The following LDLRAD3 variants were observed in gnomAD, a reference collection of about 807,000 sequenced individuals.
The protein encoded by LDLRAD3 is low-density lipoprotein receptor class A domain-containing protein 3.
Under a neutral mutation model 29.4 loss-of-function variants are expected in LDLRAD3, and 20 were observed. The observed-to-expected ratio is 0.68, with a 90% CI of 0.48 to 0.99. LDLRAD3 has a LOEUF of 0.99. Among genes scored for constraint, LDLRAD3 ranks in the 50% least tolerant of loss-of-function variants. The pLI is 0.00. For missense variants in LDLRAD3, 420 were observed against 454.3 expected (o/e 0.92, Z 0.69); for synonymous variants, 157 against 192.7 (o/e 0.81, Z 1.53).
chr11:36,032,547 A>G (rs761881065), intron 1 of LDLRAD3, among the ~76,000 whole-genome samples: 3 of 152,178 alleles, frequency 2.0e-5, no homozygotes, highest in Non-Finnish European at 2.9e-5. Context: ...CCTCAGCACT[A>G]TTGACATTTT....
chr11:36,047,334 G>T (rs1028436856), intron 2 of LDLRAD3, among the ~76,000 whole-genome samples: 2 of 152,140 alleles, frequency 1.3e-5, no homozygotes, highest in African/African-American at 4.8e-5. Flanking sequence ...CATCTTTCAT[G>T]CATTTCACCG....
intron 4 of LDLRAD3, among the ~76,000 whole-genome samples, chr11:36,114,454 G>A (rs1364470514): frequency 6.6e-6 from 1 of 152,176 alleles, no homozygotes; most frequent in Non-Finnish European, 1.5e-5. Context: ...TAAGCCCATT[G>A]TGACCCTTGG....
intron 3 of LDLRAD3, among the ~76,000 whole-genome samples, chr11:36,095,146 A>G (rs948505355): frequency 6.6e-6 from 1 of 152,222 alleles, no homozygotes; most frequent in African/African-American, 2.4e-5. Flanking sequence ...TGATTACACC[A>G]CTGCACTGCA....
At chr11:35,985,441 T>C (rs1480885663) in intron 1 of LDLRAD3, among the ~76,000 whole-genome samples, 1 of 152,158 alleles carries the variant, frequency 6.6e-6, no homozygotes, top group Non-Finnish European at 1.5e-5. Context: ...CTCTGGCCAT[T>C]GGGATGGTAG....
intron 4 of LDLRAD3, among the ~76,000 whole-genome samples, chr11:36,160,109 A>G (rs776599055): frequency 5.9e-5 from 9 of 152,182 alleles, no homozygotes; most frequent in Non-Finnish European, 1.0e-4. Context: ...AAAGAAAAGC[A>G]TCTCCCTTCC....
chr11:36,129,773 C>T (rs1853897887), intron 4 of LDLRAD3, among the ~76,000 whole-genome samples: 1 of 152,172 alleles, frequency 6.6e-6, no homozygotes, highest in South Asian at 2.1e-4. Flanking sequence ...CCAACACTCT[C>T]CCCAATCCAC....
chr11:36,032,279 C>T (rs969518947), intron 1 of LDLRAD3, among the ~76,000 whole-genome samples: 2 of 152,190 alleles, frequency 1.3e-5, no homozygotes, highest in Admixed American at 1.3e-4. Context: ...GGTCAGCAAA[C>T]AGCACATCTG....
At chr11:36,179,341 G>A (rs953736097) in intron 4 of LDLRAD3, among the ~76,000 whole-genome samples, 1 of 152,158 alleles carries the variant, frequency 6.6e-6, no homozygotes, top group Non-Finnish European at 1.5e-5. Context: ...GGGAGTGGTA[G>A]CAGGTGCCTG....
At chr11:35,995,342 A>T (rs956561551) in intron 1 of LDLRAD3, among the ~76,000 whole-genome samples, 1 of 152,214 alleles carries the variant, frequency 6.6e-6, no homozygotes, top group African/African-American at 2.4e-5. Context: ...CTGAGCAGTA[A>T]TATTTTGAAA....
At chr11:36,116,971 A>G (rs1853684758) in intron 4 of LDLRAD3, among the ~76,000 whole-genome samples, 1 of 151,500 alleles carries the variant, frequency 6.6e-6, no homozygotes, top group Non-Finnish European at 1.5e-5. Flanking sequence ...CCTCCTGAGT[A>G]GCTGGGACTA....
At chr11:36,118,664 GT>G (rs1853709413) in intron 4 of LDLRAD3, among the ~76,000 whole-genome samples, 1 of 151,916 alleles carries the variant, frequency 6.6e-6, no homozygotes, top group Non-Finnish European at 1.5e-5. Flanking sequence ...TTGTTTTAGG[GT>G]TTTTTTAACA....
At chr11:36,163,971 A>G (rs1412594447) in intron 4 of LDLRAD3, among the ~76,000 whole-genome samples, 12 of 152,108 alleles carry the variant, frequency 7.9e-5, no homozygotes, top group Non-Finnish European at 1.5e-4. Flanking sequence ...GCTTTGATCT[A>G]TGTCCTGCCT....
chr11:36,174,937 G>A (rs1332250109), intron 4 of LDLRAD3, among the ~76,000 whole-genome samples: 4 of 152,038 alleles, frequency 2.6e-5, no homozygotes, highest in African/African-American at 7.2e-5. Context: ...AGCTGAGATC[G>A]TGCTACTCCA....
chr11:36,034,391 G>A (rs1441639831), intron 1 of LDLRAD3, among the ~76,000 whole-genome samples: 4 of 152,176 alleles, frequency 2.6e-5, no homozygotes, highest in African/African-American at 7.2e-5. Context: ...ATGGAGAGTC[G>A]GGGACTGGCC....
intron 2 of LDLRAD3, among the ~76,000 whole-genome samples, chr11:36,058,081 TAAC>T (rs1019146551): frequency 9.2e-5 from 14 of 152,182 alleles, no homozygotes; most frequent in African/African-American, 2.7e-4. Context: ...GTAGGAATAA[TAAC>T]AACAACCCTC....
intron 4 of LDLRAD3, among the ~76,000 whole-genome samples, chr11:36,103,757 G>A (rs143328725): frequency 3.0e-3 from 464 of 152,286 alleles, no homozygotes; most frequent in African/African-American, 0.011. Context: ...GCCGTTTGAA[G>A]TTTGCATTTT....
intron 2 of LDLRAD3, among the ~76,000 whole-genome samples, chr11:36,053,803 C>T (rs1852564579): frequency 6.6e-6 from 1 of 152,190 alleles, no homozygotes; most frequent in African/African-American, 2.4e-5. Flanking sequence ...GGGCCTTTCA[C>T]AGTTACTACA....
At chr11:36,055,990 C>CTTTTTTTT (rs67731567) in intron 2 of LDLRAD3, among the ~76,000 whole-genome samples, 1 of 95,352 alleles carries the variant, frequency 1.0e-5, no homozygotes, top group Non-Finnish European at 1.9e-5. Context: ...ACAGCTTGCC[C>CTTTTTTTT]TTTTTTTTTT....
In LDLRAD3 at chr11:36,231,808, A is replaced by C. The variant is rs910835759; in HGVS notation, c.*2411A>C. 6.6e-6 allele frequency: 1 copy of C among 152,076 alleles called. No homozygotes were observed. The highest frequency in any genetic ancestry group is 2.4e-5 in the African/African-American group (1 of 41,380). 9.4% of individuals were successfully genotyped at this position (152,076 alleles called of 1,614,324 possible). On this transcript the variant is annotated 3_prime_UTR_variant, in exon 6 of 6. Transcript: ENST00000315571. The stretch of plus-strand genomic sequence containing the variant: ...ACATTAGTGGCCAGCAATATTTTTT[A>C]ACTCATTCCAACCAGGAAGCTTTTT...
Sources: gnomAD v4.1 joint callset for allele counts (sites outside exome capture counted in the v4.1 genomes callset) on GRCh38, gnomAD v4.1.1 for gene constraint, MANE v1.5 for transcripts, NCBI Gene and HGNC (gene_info 2026-07-23, HGNC 2026-07-21) for gene names.